Variants in FRAS1 observed in about 807,000 individuals in gnomAD.
The protein encoded by FRAS1 is extracellular matrix organizing protein FRAS1.
In FRAS1, 290 loss-of-function variants were observed where a neutral mutation model predicts 435.2. That is an observed-to-expected ratio of 0.67 (90% confidence interval 0.61 to 0.73). The LOEUF (loss-of-function observed/expected upper bound fraction) is 0.73, where lower values mean the gene tolerates loss of function less well. Ranked by LOEUF, FRAS1 falls within the 30% of genes least tolerant of loss-of-function variation. The pLI, the probability that FRAS1 is intolerant of heterozygous loss-of-function variation, is 0.00. For missense variants in FRAS1, 4,860 were observed against 5,001.5 expected, an observed-to-expected ratio of 0.97 and a Z score of 0.85; for synonymous variants, 1,800 against 1,851.0, an observed-to-expected ratio of 0.97 and a Z score of 0.71.
chr4:78,119,442 T>G (rs1447154227), intron 2 of FRAS1, among the ~76,000 whole-genome samples: 1 of 152,220 alleles, frequency 6.6e-6, no homozygotes, highest in African/African-American at 2.4e-5. Flanking sequence ...GGTGTTTCAC[T>G]TTCTGTTCCT....
chr4:78,478,587 A>G (rs983340496), intron 55 of FRAS1, among the ~76,000 whole-genome samples: 14 of 152,208 alleles, frequency 9.2e-5, no homozygotes, highest in Non-Finnish European at 2.1e-4. Flanking sequence ...TGTTGATAAA[A>G]GGGCAATTCT....
intron 4 of FRAS1, among the ~76,000 whole-genome samples, chr4:78,250,409 T>C (rs1352976631): frequency 6.6e-6 from 1 of 152,230 alleles, no homozygotes; most frequent in Non-Finnish European, 1.5e-5. Context: ...GATTTCCTGT[T>C]ATTAGATATT....
chr4:78,061,329 G>A (rs1359350447), intron 1 of FRAS1, among the ~76,000 whole-genome samples: 2 of 152,180 alleles, frequency 1.3e-5, no homozygotes, highest in Non-Finnish European at 2.9e-5. Context: ...CTGAATCACA[G>A]AAACTCTACC....
chr4:78,398,891 G>A (rs1242115899), intron 29 of FRAS1, among the ~76,000 whole-genome samples: 1 of 152,132 alleles, frequency 6.6e-6, no homozygotes, highest in East Asian at 1.9e-4. Flanking sequence ...GCTGAATCAG[G>A]GGAATTGTTT....
At chr4:78,440,961 A>T (rs1165437440) in intron 40 of FRAS1, among the ~76,000 whole-genome samples, 1 of 152,150 alleles carries the variant, frequency 6.6e-6, no homozygotes, top group Non-Finnish European at 1.5e-5. Context: ...ATCATGTCTG[A>T]CTGTAGCTTT....
At chr4:78,258,073 G>C (rs1423460247) in intron 6 of FRAS1, among the ~76,000 whole-genome samples, 4 of 152,144 alleles carry the variant, frequency 2.6e-5, no homozygotes, top group Non-Finnish European at 5.9e-5. Flanking sequence ...AGGCATGGTG[G>C]TTCATGCTTG....
At chr4:78,237,282 C>A (rs552407216) in intron 2 of FRAS1, among the ~76,000 whole-genome samples, 1 of 152,124 alleles carries the variant, frequency 6.6e-6, no homozygotes, top group African/African-American at 2.4e-5. Context: ...AGCTCTCTGC[C>A]GCATCCCCTT....
intron 58 of FRAS1, among the ~76,000 whole-genome samples, chr4:78,486,140 A>G (rs978827691): frequency 6.6e-6 from 1 of 152,212 alleles, no homozygotes; most frequent in Non-Finnish European, 1.5e-5. Context: ...AAACATACTC[A>G]TTAACTCGTG....
intron 18 of FRAS1, among the ~76,000 whole-genome samples, chr4:78,329,067 A>G (rs950367761): frequency 2.0e-5 from 3 of 152,186 alleles, no homozygotes; most frequent in African/African-American, 7.2e-5. Context: ...TGTTCCCACT[A>G]CCATCCCACT....
intron 47 of FRAS1, among the ~76,000 whole-genome samples, chr4:78,460,188 C>T (rs530586074): frequency 3.6e-4 from 55 of 152,182 alleles, no homozygotes; most frequent in African/African-American, 5.5e-4. Flanking sequence ...TCATCTAACA[C>T]GCTGTTAAGA....
intron 18 of FRAS1, among the ~76,000 whole-genome samples, chr4:78,332,258 C>G (rs1729977941): frequency 1.3e-5 from 2 of 152,144 alleles, no homozygotes; most frequent in African/African-American, 2.4e-5. Context: ...AAATCATTTA[C>G]TATCTCCAGG....
chr4:78,283,193 C>T (rs944818648), intron 12 of FRAS1, among the ~76,000 whole-genome samples: 23 of 152,190 alleles, frequency 1.5e-4, no homozygotes, highest in Non-Finnish European at 2.2e-4. Flanking sequence ...GTCATTGACC[C>T]TCTTTAAACC....
Position 78,236,392 on chromosome 4 carries a change from T to C in FRAS1, c.109-1118T>C, listed in dbSNP as rs565033328. ...GTGGTGTTTACATGGAGAAATACTT[T>C]AGTGATGATTTCTGAGATTTTGGTG... is the stretch of plus-strand genomic sequence containing the variant. On this transcript the variant is annotated intron_variant, in intron 2 of 73. Coordinates refer to ENST00000512123, the MANE Select transcript of FRAS1 (RefSeq NM_025074.7). 3.3e-5 allele frequency among the ~76,000 whole-genome samples: 5 copies of C among 152,274 alleles called. No individual in the cohort carries two copies. In the South Asian group the frequency reaches 1.0e-3, roughly 32 times the overall value.
chr4:78,469,596 A>G (rs1719641025), intron 50 of FRAS1, among the ~76,000 whole-genome samples: 1 of 151,426 alleles, frequency 6.6e-6, no homozygotes, highest in Non-Finnish European at 1.5e-5. Context: ...CTCTCATGAA[A>G]ATTTTAACAC....
At chr4:78,067,708 A>ATTATTATTATTATTATTATTG (rs751750821) in intron 2 of FRAS1, among the ~76,000 whole-genome samples, 45 of 135,670 alleles carry the variant, frequency 3.3e-4, no homozygotes, top group East Asian at 1.0e-3. Context: ...TATTATTATT[A>ATTATTATTATTATTATTATTG]TTATTTGTAA....
intron 46 of FRAS1, 134 bp downstream of exon 46, chr4:78,452,025 C>T: frequency 1.6e-6 from 2 of 1,229,482 alleles, no homozygotes; most frequent in Non-Finnish European, 1.1e-6. Flanking sequence ...ATCATACCCC[C>T]TTTATTGCAC....
At chr4:78,481,353 T>C (rs1365731782) in intron 56 of FRAS1, among the ~76,000 whole-genome samples, 1 of 152,204 alleles carries the variant, frequency 6.6e-6, no homozygotes, top group Non-Finnish European at 1.5e-5. Context: ...AACATTCAGC[T>C]TCAGGCTCCA....
chr4:78,512,814 G>T (rs1200285413), intron 64 of FRAS1, among the ~76,000 whole-genome samples: 3 of 152,236 alleles, frequency 2.0e-5, no homozygotes, highest in African/African-American at 7.2e-5. Flanking sequence ...ACGTAGTGCT[G>T]ATAGGACTTA....
intron 2 of FRAS1, among the ~76,000 whole-genome samples, chr4:78,091,918 A>G (rs1741544467): frequency 7.3e-6 from 1 of 137,576 alleles, no homozygotes; most frequent in South Asian, 2.5e-4. Context: ...AGGCTAAGAT[A>G]GGAGGATCGG....
Sources: gnomAD v4.1 joint callset for allele counts (sites outside exome capture counted in the v4.1 genomes callset) on GRCh38, gnomAD v4.1.1 for gene constraint, MANE v1.5 for transcripts, NCBI Gene and HGNC (gene_info 2026-07-23, HGNC 2026-07-21) for gene names.